CDC14A: variants seen among roughly 807,000 people sequenced by gnomAD.
CDC14A encodes the protein dual specificity protein phosphatase CDC14A.
A neutral mutation model predicts 74.4 loss-of-function variants in CDC14A; 53 were observed. That is an observed-to-expected ratio of 0.71 (90% CI 0.57 to 0.89). CDC14A has a LOEUF of 0.89. Among genes scored for constraint, CDC14A ranks in the 40% least tolerant of loss-of-function variants. The pLI is 0.00. For synonymous variants in CDC14A, 247 were observed against 258.4 expected (o/e 0.96, Z 0.43); for missense variants, 646 against 713.7 (o/e 0.91, Z 1.08).
chr1:100,379,911 G>T (rs1655848641), intron 3 of CDC14A, among the ~76,000 whole-genome samples: 1 of 152,078 alleles, frequency 6.6e-6, no homozygotes. Flanking sequence ...AACTAAGAGT[G>T]AAAACCCACT....
At chr1:100,462,273 TG>T (rs1667386920) in intron 8 of CDC14A, 1 of 202,158 alleles carries the variant, frequency 4.9e-6, no homozygotes, top group East Asian at 1.3e-4. Flanking sequence ...GAAAACTGTT[TG>T]TCAAGTAGAG....
intron 5 of CDC14A, among the ~76,000 whole-genome samples, chr1:100,428,973 G>C (rs1429375609): frequency 6.6e-6 from 1 of 151,958 alleles, no homozygotes; most frequent in East Asian, 1.9e-4. Flanking sequence ...TTTGGGAGGT[G>C]GGCGATCACT....
intron 7 of CDC14A, among the ~76,000 whole-genome samples, chr1:100,445,862 G>C (rs1665491330): frequency 6.6e-6 from 1 of 152,106 alleles, no homozygotes; most frequent in Non-Finnish European, 1.5e-5. Context: ...TGATTTATCT[G>C]TTCTATTATA....
chr1:100,516,616 G>A lies in CDC14A; in HGVS notation c.1756-1635G>A, dbSNP rs547613923. ...ATTCTTATAGCTGGGGGACTTAACTGGCTCTGCCCTCTGACTGCTTGCCAG... is the reference window on the plus strand; with the variant it reads ...ATTCTTATAGCTGGGGGACTTAACTAGCTCTGCCCTCTGACTGCTTGCCAG... On this transcript the variant is annotated intron_variant, in intron 15 of 15. Transcript: ENST00000336454. Among the ~76,000 whole-genome samples, 4 of 152,192 alleles carry A rather than the reference G, an allele frequency of 2.6e-5. No individual in the cohort carries two copies. In the South Asian group the frequency reaches 8.3e-4, roughly 32 times the overall value.
rs1000527751 is a variant in CDC14A at position 100,453,319 on chromosome 1, C to T, written c.520-2086C>T. 3.9e-5 allele frequency among the ~76,000 whole-genome samples: 6 copies of T among 152,230 alleles called. No individual in the cohort carries two copies. In the East Asian group the frequency reaches 5.8e-4, roughly 15 times the overall value. The stretch of plus-strand genomic sequence containing the variant: ...ATATTGCAGAGCGTATTTATCTAAC[C>T]TACTTGGTGGTCAAGGATACAGAAA... On this transcript the variant is annotated intron_variant, in intron 7 of 15. Transcript: ENST00000336454.
chr1:100,404,868 A>G (rs1659751028), intron 4 of CDC14A, among the ~76,000 whole-genome samples: 1 of 152,110 alleles, frequency 6.6e-6, no homozygotes, highest in East Asian at 1.9e-4. Context: ...AAAACAAAAA[A>G]CTAAATAGTA....
chr1:100,394,772 C>T (rs1442569279), intron 4 of CDC14A, among the ~76,000 whole-genome samples: 1 of 152,140 alleles, frequency 6.6e-6, no homozygotes, highest in Admixed American at 6.5e-5. Flanking sequence ...TTGACACAAA[C>T]CCTTAATACA....
Position 100,353,022 on chromosome 1 carries a change from G to A in CDC14A, c.49+19G>A. On this transcript the variant is annotated intron_variant, in intron 1 of 15. Coordinates refer to ENST00000336454, the MANE Select transcript of CDC14A (RefSeq NM_003672.4). ...ATGAAAGGTGAGGAGCAGCCGCCCC[G>A]CATCTTCCAACGCTTTCTTGCCCCC... 1 of 1,613,072 alleles carries A rather than the reference G, an allele frequency of 6.2e-7. No homozygotes were observed. Among genetic ancestry groups the A allele is most frequent in the African/African-American group, 1.3e-5 (1 of 75,048 alleles).
At chr1:100,431,565 G>A (rs779239060) in intron 5 of CDC14A, among the ~76,000 whole-genome samples, 18 of 152,126 alleles carry the variant, frequency 1.2e-4, no homozygotes, top group African/African-American at 2.2e-4. Flanking sequence ...ATTGTTGGCC[G>A]TGTGGGTGGC....
In CDC14A at chr1:100,352,697, G is replaced by A. The variant is rs1015528258; in HGVS notation, c.-258G>A. On this transcript the variant is annotated 5_prime_UTR_variant, in exon 1 of 16. Coordinates refer to ENST00000336454, the MANE Select transcript of CDC14A (RefSeq NM_003672.4). ...GCGGAGCAGCAGCTGCAGCAGCCGA[G>A]TCCAAATAGGAGCGGCCACAGCCAG... 12 of 1,344,668 alleles carry A rather than the reference G, an allele frequency of 8.9e-6. No homozygotes were observed. In the Admixed American group the frequency reaches 1.0e-4, roughly 12 times the overall value. 83.3% of individuals were successfully genotyped at this position (1,344,668 alleles called of 1,614,324 possible). A position where few individuals can be genotyped will look rare whatever the true frequency, so the allele number is the denominator to read the frequency against.
intron 8 of CDC14A, among the ~76,000 whole-genome samples, chr1:100,461,936 G>A (rs1667355532): frequency 6.6e-6 from 1 of 152,078 alleles, no homozygotes; most frequent in East Asian, 1.9e-4. Flanking sequence ...TTTTTGTGGT[G>A]AGAAGACTTA....
At chr1:100,488,435 G>C (rs754079466) in intron 11 of CDC14A, among the ~76,000 whole-genome samples, 2 of 152,086 alleles carry the variant, frequency 1.3e-5, no homozygotes, top group Non-Finnish European at 2.9e-5. Flanking sequence ...CCACCCTCCC[G>C]GGAGGCCTCT....
chr1:100,420,204 TC>T (rs1662202939), intron 4 of CDC14A, among the ~76,000 whole-genome samples: 1 of 142,934 alleles, frequency 7.0e-6, no homozygotes, highest in African/African-American at 2.6e-5. Context: ...GAGGCAAATG[TC>T]CCCAGAGAAA....
chr1:100,505,213 A>G (rs2101463154), intron 15 of CDC14A, among the ~76,000 whole-genome samples: 1 of 152,320 alleles, frequency 6.6e-6, no homozygotes, highest in African/African-American at 2.4e-5. Flanking sequence ...TTCCCTCAGC[A>G]TTCTTATATG....
At chr1:100,444,343 C>A (rs549143227) in intron 7 of CDC14A, among the ~76,000 whole-genome samples, 3 of 152,284 alleles carry the variant, frequency 2.0e-5, no homozygotes, top group Admixed American at 2.0e-4. Flanking sequence ...CTTCTCCTCC[C>A]AGGCTGCCTT....
chr1:100,374,715 G>A (rs2100939583), intron 2 of CDC14A, among the ~76,000 whole-genome samples: 1 of 152,288 alleles, frequency 6.6e-6, no homozygotes. Context: ...CAGATTTTAT[G>A]TAATGTAATG....
chr1:100,482,783 T>C (rs2101350558), intron 10 of CDC14A, among the ~76,000 whole-genome samples: 1 of 152,168 alleles, frequency 6.6e-6, no homozygotes, highest in South Asian at 2.1e-4. Flanking sequence ...TCTCTCTGTG[T>C]ATATATGTAT....
At chr1:100,405,430 A>T (rs1178121684) in intron 4 of CDC14A, among the ~76,000 whole-genome samples, 1 of 152,014 alleles carries the variant, frequency 6.6e-6, no homozygotes, top group Non-Finnish European at 1.5e-5. Flanking sequence ...CAGGATGTGC[A>T]GGTTTGTTAC....
chr1:100,378,709 GT>G lies in CDC14A; in HGVS notation c.216+1093del, dbSNP rs762507794. ...TTAGGTTGGTGCAAAAGCAATTGTG[GT>G]TTTTATAATTACTTTTAATGTTAAA... On this transcript the variant is annotated intron_variant, in intron 3 of 15. Coordinates refer to ENST00000336454, the MANE Select transcript of CDC14A (RefSeq NM_003672.4). Among the ~76,000 whole-genome samples the G allele has an allele frequency of 9.2e-5, 14 of 152,148 alleles. No homozygotes were observed. In the East Asian group the frequency reaches 2.1e-3, roughly 23 times the overall value.
Sources: gnomAD v4.1 joint callset for allele counts (sites outside exome capture counted in the v4.1 genomes callset) on GRCh38, gnomAD v4.1.1 for gene constraint, MANE v1.5 for transcripts, NCBI Gene and HGNC (gene_info 2026-07-23, HGNC 2026-07-21) for gene names.